MICU3: variants seen among roughly 807,000 people sequenced by gnomAD.
The protein encoded by MICU3 is calcium uptake protein 3, mitochondrial.
A neutral mutation model predicts 66.5 loss-of-function variants in MICU3; 62 were observed. That is an observed-to-expected ratio of 0.93 (90% CI 0.76 to 1.15). The LOEUF is 1.15. Ranked by LOEUF, MICU3 falls within the 50% of genes most tolerant of loss-of-function variation. The pLI, the probability that MICU3 is intolerant of heterozygous loss-of-function variation, is 0.00. For synonymous variants in MICU3, 308 were observed against 240.7 expected, an observed-to-expected ratio of 1.28 and a Z score of -2.59; for missense variants, 779 against 664.4, an observed-to-expected ratio of 1.17 and a Z score of -1.90.
At chr8:17,094,485 T>C (rs577968029) in intron 8 of MICU3, among the ~76,000 whole-genome samples, 1 of 152,160 alleles carries the variant, frequency 6.6e-6, no homozygotes, top group East Asian at 1.9e-4. Flanking sequence ...AAGAGTGATA[T>C]TGTTTTACAT....
At chr8:17,067,051 A>G (rs1452790701) in intron 2 of MICU3, among the ~76,000 whole-genome samples, 1 of 152,228 alleles carries the variant, frequency 6.6e-6, no homozygotes, top group African/African-American at 2.4e-5. Flanking sequence ...TTTTACAACC[A>G]CAACTTCAGT....
intron 11 of MICU3, among the ~76,000 whole-genome samples, chr8:17,111,223 T>C (rs1336288265): frequency 1.3e-5 from 2 of 152,234 alleles, no homozygotes; most frequent in Non-Finnish European, 2.9e-5. Context: ...TACATGTTCT[T>C]TATATAAACT....
In MICU3 at chr8:17,027,286, G is replaced by A. The variant is rs781466293; in HGVS notation, c.7G>A (p.Ala3Thr). The change falls in exon 1 of 15, where the codon GCG becomes ACG. Residue 3 changes from alanine to threonine, a missense_variant. Coordinates refer to ENST00000318063, the MANE Select transcript of MICU3 (RefSeq NM_181723.3). MAALRRLLWPPPR... is the reference protein window; with the variant it reads MATLRRLLWPPPR... Reference sequence around the variant, plus strand: ...GGTGTGGGCGGCCTCCGCTATGGCTGCGCTGCGAAGGCTCTTGTGGCCGCC... The same window carrying A: ...GGTGTGGGCGGCCTCCGCTATGGCTACGCTGCGAAGGCTCTTGTGGCCGCC... 1.8e-5 allele frequency: 27 copies of A among 1,470,402 alleles called. No homozygotes were observed. Among genetic ancestry groups the A allele is most frequent in the Non-Finnish European group, 2.1e-5 (23 of 1,119,646 alleles). The allele number at this position is 1,470,402 out of a possible 1,614,324, so 91.1% of individuals were successfully genotyped here.
At chr8:17,085,371 A>G (rs1799362492) in intron 6 of MICU3, 53 bp downstream of exon 6, 3 of 1,240,892 alleles carry the variant, frequency 2.4e-6, no homozygotes, top group Middle Eastern at 1.9e-4. Context: ...GCTTACTTAT[A>G]TTTTTATGTT....
At chr8:17,055,802 G>C (rs1371506624) in intron 1 of MICU3, among the ~76,000 whole-genome samples, 1 of 152,192 alleles carries the variant, frequency 6.6e-6, no homozygotes, top group Non-Finnish European at 1.5e-5. Context: ...ACACACTTGT[G>C]TTGTGTTGGA....
At chr8:17,112,133 G>A (rs1353074767) in intron 11 of MICU3, among the ~76,000 whole-genome samples, 1 of 152,080 alleles carries the variant, frequency 6.6e-6, no homozygotes, top group Non-Finnish European at 1.5e-5. Context: ...TCCCTCCCTG[G>A]ACACGTGGGG....
In MICU3 at chr8:17,116,502, AACACTG is replaced by A; in HGVS notation, c.1427_1432del (p.Asn476_Val478delinsIle). On this transcript the variant is annotated inframe_deletion, in exon 13 of 15. Transcript: ENST00000318063. ...ACTCAAATTTTCACCACATTTAGTGAACACTGTCTTCAAGATTTTTGATGTTGACAA... is the reference window on the plus strand; with the variant it reads ...ACTCAAATTTTCACCACATTTAGTGATCTTCAAGATTTTTGATGTTGACAA... 6.4e-7 allele frequency: 1 copy of A among 1,564,622 alleles called. No individual in the cohort carries two copies. The highest frequency in any genetic ancestry group is 1.7e-4 in the Middle Eastern group (1 of 5,918).
At position 17,087,943 on chromosome 8, in the gene MICU3, T is replaced by C. The variant is rs1474951576; in HGVS notation, c.849+908T>C. ...GCAAATTGATGGCCCTGTGCAGTAG[T>C]TTAATTGTCCTACATAGAATTCAGA... On this transcript the variant is annotated intron_variant, in intron 7 of 14. Transcript: ENST00000318063. 2.6e-5 allele frequency among the ~76,000 whole-genome samples: 4 copies of C among 152,062 alleles called. No homozygotes were observed. In the East Asian group the frequency reaches 7.7e-4, roughly 29 times the overall value.
intron 4 of MICU3, among the ~76,000 whole-genome samples, chr8:17,081,248 C>G (rs1356715125): frequency 6.6e-6 from 1 of 152,080 alleles, no homozygotes; most frequent in Non-Finnish European, 1.5e-5. Context: ...TTCTAAGTAA[C>G]AGGGTCTAAG....
At chr8:17,028,979 G>A (rs934324083) in intron 1 of MICU3, among the ~76,000 whole-genome samples, 1 of 152,142 alleles carries the variant, frequency 6.6e-6, no homozygotes, top group Non-Finnish European at 1.5e-5. Context: ...TTATCTTGCA[G>A]TTTTTAAAAA....
chr8:17,131,301 G>C, the MICU3 span: 1 of 152,218 alleles, frequency 6.6e-6, no homozygotes, highest in African/African-American at 2.4e-5. Flanking sequence ...TCTTTGGAAA[G>C]GGCACACCTT....
intron 1 of MICU3, among the ~76,000 whole-genome samples, chr8:17,040,613 A>G (rs901095967): frequency 6.6e-6 from 1 of 152,334 alleles, no homozygotes; most frequent in East Asian, 1.9e-4. Context: ...CAGAGATTAT[A>G]TATTTTTATT....
chr8:17,119,404 G>A (rs535181489), intron 14 of MICU3, among the ~76,000 whole-genome samples: 2 of 151,976 alleles, frequency 1.3e-5, no homozygotes, highest in Non-Finnish European at 2.9e-5. Context: ...CAACTGTAGC[G>A]ATAAAATTTT....
At chr8:17,037,032 A>G (rs908067169) in intron 1 of MICU3, among the ~76,000 whole-genome samples, 41 of 152,220 alleles carry the variant, frequency 2.7e-4, no homozygotes, top group African/African-American at 5.1e-4. Context: ...TGGGGGACCC[A>G]GTACACCTTC....
chr8:17,090,562 G>T lies in MICU3; in HGVS notation c.866G>T (p.Gly289Val). 6.2e-7 allele frequency: 1 copy of T among 1,610,980 alleles called. No homozygotes were observed. Among genetic ancestry groups the T allele is most frequent in the Non-Finnish European group, 8.5e-7 (1 of 1,178,278 alleles). The change falls in exon 8 of 15, where the codon GGA becomes GTA. Residue 289 changes from glycine to valine, a missense_variant. Transcript: ENST00000318063. ...CTATGTCAGCGTCTTCAACTTTATG[G>T]ATACCATTCTCCTACTAATAGTGTA... The part of the protein sequence containing the change: ...KRAMLRLQLY[G>V]YHSPTNSVLK...
chr8:17,088,691 C>G (rs542947689), intron 7 of MICU3, among the ~76,000 whole-genome samples: 1 of 151,728 alleles, frequency 6.6e-6, no homozygotes, highest in East Asian at 1.9e-4. Context: ...AGTAAAAATA[C>G]AGTATTATTC....
At chr8:17,080,344 C>A (rs1415888682) in intron 4 of MICU3, among the ~76,000 whole-genome samples, 2 of 152,042 alleles carry the variant, frequency 1.3e-5, no homozygotes. Context: ...TGGACACTCA[C>A]TATTAAGTAG....
At chr8:17,034,651 A>G (rs545377582) in intron 1 of MICU3, among the ~76,000 whole-genome samples, 4 of 152,372 alleles carry the variant, frequency 2.6e-5, no homozygotes, top group Non-Finnish European at 5.9e-5. Flanking sequence ...AAGGGATTCA[A>G]GATTTCAGTG....
chr8:17,071,790 A>G (rs1819623774), intron 3 of MICU3, among the ~76,000 whole-genome samples: 1 of 152,194 alleles, frequency 6.6e-6, no homozygotes, highest in Admixed American at 6.5e-5. Context: ...GCAATTAGAA[A>G]CTAGTATTGA....
Sources: gnomAD v4.1 joint callset for allele counts (sites outside exome capture counted in the v4.1 genomes callset) on GRCh38, gnomAD v4.1.1 for gene constraint, MANE v1.5 for transcripts, NCBI Gene and HGNC (gene_info 2026-07-23, HGNC 2026-07-21) for gene names.